Variants in TRPM6 observed in about 807,000 individuals in gnomAD.
TRPM6 encodes the protein transient receptor potential cation channel subfamily M member 6.
TRPM6 carries 111 observed loss-of-function variants against 247.6 expected under a neutral mutation model. The ratio of observed to expected loss-of-function variants is 0.45; its 90% CI spans 0.38 to 0.52. The LOEUF is 0.52. Among genes scored for constraint, TRPM6 ranks in the 20% least tolerant of loss-of-function variants. The probability of loss-of-function intolerance (pLI) is 0.00; values close to 1 mark genes in which losing one functional copy is unlikely to be tolerated. For missense variants in TRPM6, 2,126 were observed against 2,421.5 expected (o/e 0.88, Z 2.56); for synonymous variants, 892 against 853.8 (o/e 1.04, Z -0.78).
chr9:74,850,440 C>T lies in TRPM6; in HGVS notation c.152+5087G>A, dbSNP rs144702987. Among the ~76,000 whole-genome samples, 738 of 152,044 alleles carry T rather than the reference C, an allele frequency of 4.9e-3. 2 individuals carry two copies. The highest frequency in any genetic ancestry group is 9.1e-3 in the Non-Finnish European group (617 of 67,992). The stretch of plus-strand genomic sequence containing the variant: ...TGTGTATGTAAAAACCAACGTAAGG[C>T]CGGGCGCGGTGGCTCACGCCTGTAT... On this transcript the variant is annotated intron_variant, in intron 3 of 38. Coordinates refer to ENST00000360774, the MANE Select transcript of TRPM6 (RefSeq NM_017662.5).
chr9:74,877,371 A>C (rs1831226351), intron 1 of TRPM6, among the ~76,000 whole-genome samples: 1 of 152,238 alleles, frequency 6.6e-6, no homozygotes, highest in Admixed American at 6.5e-5. Context: ...AGCCACAGGA[A>C]AAAAGCACCT....
In TRPM6 at chr9:74,804,546, G is replaced by A. The variant is rs140675958; in HGVS notation, c.1639-660C>T. Reference sequence around the variant, plus strand: ...AGAAGAGCAGGCTGCTGCTGCAAACGCGGTGACCAAGGAGGAATTTCAGGG... The same window carrying A: ...AGAAGAGCAGGCTGCTGCTGCAAACACGGTGACCAAGGAGGAATTTCAGGG... On this transcript the variant is annotated intron_variant, in intron 14 of 38. Transcript: ENST00000360774. 574 of 736,204 alleles carry A rather than the reference G, an allele frequency of 7.8e-4. No individual in the cohort carries two copies. In the African/African-American group the frequency reaches 8.8e-3, roughly 11 times the overall value. 45.6% of individuals were successfully genotyped at this position (736,204 alleles called of 1,614,324 possible).
At chr9:74,772,512 C>T (rs961738113) in intron 24 of TRPM6, among the ~76,000 whole-genome samples, 1 of 152,094 alleles carries the variant, frequency 6.6e-6, no homozygotes, top group Non-Finnish European at 1.5e-5. Context: ...ATTAGATGTA[C>T]CTATTTTTGA....
At chr9:74,764,143 A>T (rs941521708) in intron 25 of TRPM6, among the ~76,000 whole-genome samples, 1 of 151,480 alleles carries the variant, frequency 6.6e-6, no homozygotes, top group African/African-American at 2.4e-5. Context: ...AAAAAAAAGT[A>T]AAAATTAATT....
chr9:74,818,390 C>T (rs1341047384), intron 9 of TRPM6, among the ~76,000 whole-genome samples: 1 of 144,938 alleles, frequency 6.9e-6, no homozygotes, highest in Non-Finnish European at 1.5e-5. Flanking sequence ...GCAACCTCTG[C>T]CTCCCGGGTT....
chr9:74,886,523 T>C (rs1831533938), intron 1 of TRPM6, among the ~76,000 whole-genome samples: 1 of 152,154 alleles, frequency 6.6e-6, no homozygotes, highest in Admixed American at 6.5e-5. Context: ...CTTTTTTTTT[T>C]TTCTTTTTTA....
chr9:74,870,659 C>G (rs945470024), intron 1 of TRPM6, among the ~76,000 whole-genome samples: 1 of 152,124 alleles, frequency 6.6e-6, no homozygotes, highest in South Asian at 2.1e-4. Context: ...CGCAGTGGCT[C>G]ACGCCTGTAA....
At chr9:74,812,782 T>C (rs569742324) in intron 11 of TRPM6, among the ~76,000 whole-genome samples, 16 of 151,932 alleles carry the variant, frequency 1.1e-4, no homozygotes, top group Admixed American at 2.6e-4. Flanking sequence ...CCCAGCTAAT[T>C]GGGAGGCTGA....
At chr9:74,832,707 C>A (rs1196291547) in intron 6 of TRPM6, among the ~76,000 whole-genome samples, 1 of 152,154 alleles carries the variant, frequency 6.6e-6, no homozygotes, top group Admixed American at 6.5e-5. Context: ...GAAAAGAGTT[C>A]ATTTTTCTAA....
intron 27 of TRPM6, among the ~76,000 whole-genome samples, chr9:74,759,920 C>G (rs1461989021): frequency 6.6e-6 from 1 of 151,826 alleles, no homozygotes; most frequent in Non-Finnish European, 1.5e-5. Flanking sequence ...TATAATAAGA[C>G]AACAACCCAA....
intron 23 of TRPM6, among the ~76,000 whole-genome samples, chr9:74,779,166 A>G (rs1827329147): frequency 6.6e-6 from 1 of 152,112 alleles, no homozygotes; most frequent in East Asian, 1.9e-4. Flanking sequence ...GGTCCCAGCT[A>G]CTCGGGAGGT....
rs1426093230 is a variant in TRPM6, at chr9:74,821,992, G to A, written c.842-155C>T. Among the ~76,000 whole-genome samples the A allele has an allele frequency of 3.3e-5, 5 of 152,302 alleles. No individual in the cohort carries two copies. The East Asian group carries it at 9.6e-4, about 29-fold the overall frequency. ...TTTTACCCTGGTTTGCTTAGATCAA[G>A]ACCAAGCCAGAAACTTGGACTTCAA... On this transcript the variant is annotated intron_variant, in intron 7 of 38. Coordinates refer to ENST00000360774, the MANE Select transcript of TRPM6 (RefSeq NM_017662.5).
chr9:74,872,635 C>T (rs997437772), intron 1 of TRPM6, among the ~76,000 whole-genome samples: 6 of 132,822 alleles, frequency 4.5e-5, no homozygotes, highest in Non-Finnish European at 6.6e-5. Flanking sequence ...CATGCGCGCA[C>T]GTGTGTACAT....
At chr9:74,853,864 A>T (rs143753643) in intron 3 of TRPM6, among the ~76,000 whole-genome samples, 12,995 of 152,232 alleles carry the variant, frequency 0.085, 604 homozygotes, top group East Asian at 0.11. Context: ...TAAATACTAA[A>T]AAAATAAAAT....
intron 23 of TRPM6, among the ~76,000 whole-genome samples, chr9:74,777,739 A>G (rs1179452170): frequency 1.3e-5 from 2 of 152,154 alleles, no homozygotes; most frequent in Non-Finnish European, 2.9e-5. Flanking sequence ...GGCACCTTCT[A>G]CAGAAAATAG....
rs371978539 is a variant in TRPM6 at position 74,782,790 on chromosome 9, G to A, written c.2983C>T (p.Arg995Cys). The change falls in exon 22 of 39, where the codon CGC becomes TGC. Residue 995 changes from arginine to cysteine, a missense_variant. Transcript: ENST00000360774. ...AIVLLSFGVA[R>C]KAILSPKEPP... ...TCTTTTGGCGAAAGGATGGCCTTGC[G>A]TGCCACTCCAAAGCTCAGCAGGACT... 1.1e-5 allele frequency: 18 copies of A among 1,614,050 alleles called. No individual in the cohort carries two copies. Among genetic ancestry groups the A allele is most frequent in the East Asian group, 2.2e-5 (1 of 44,876 alleles).
rs759971142 is a variant in TRPM6 at position 74,771,776 on chromosome 9, C to A, written c.3463G>T (p.Glu1155Ter). Residue 1155 changes from glutamate to a stop codon, truncating the protein, a stop_gained, in exon 25 of 39, where the codon GAA becomes TAA. Transcript: ENST00000360774. LOFTEE classifies it high-confidence loss of function. ...TCCATCTTCTCATGGAAGTATTTTT[C>A]CACGCACTGCTCCTCAAAATCATGA... ...KLHDFEEQCV[E>*]KYFHEKMEDV... is the part of the protein sequence containing the mutation. 4.3e-6 allele frequency: 7 copies of A among 1,613,602 alleles called. No individual in the cohort carries two copies. The highest frequency in any genetic ancestry group is 5.9e-6 in the Non-Finnish European group (7 of 1,179,712).
chr9:74,857,372 C>G (rs564501814), intron 2 of TRPM6, among the ~76,000 whole-genome samples: 16 of 152,220 alleles, frequency 1.1e-4, no homozygotes, highest in African/African-American at 3.9e-4. Context: ...AGTTCTAAAC[C>G]TTAAAGGCAT....
Position 74,739,952 on chromosome 9 carries a change from T to C in TRPM6, c.5258A>G (p.Lys1753Arg). 6.2e-7 allele frequency: 1 copy of C among 1,614,178 alleles called. No homozygotes were observed. Among genetic ancestry groups the C allele is most frequent in the Admixed American group, 1.7e-5 (1 of 60,014 alleles). The change falls in exon 34 of 39, where the codon AAA becomes AGA. Residue 1753 changes from lysine to arginine, a missense_variant. Lys to Arg is a conservative substitution (Grantham distance 26). Around this residue, in one of 3 missense-constraint regions of TRPM6, gnomAD observed 327 missense variants for 397.7 expected, o/e 0.82. Transcript: ENST00000360774. ...ACGCTGAGACCAAGAGGACATGCTT[T>C]TATCAAGGTTTAAAGGGGAACTCTC... Reference protein sequence around the residue: ...LEESSPLNLDKSMSSWSQRGR... With the variant: ...LEESSPLNLDRSMSSWSQRGR...
Sources: allele counts gnomAD v4.1 joint callset (sites outside exome capture counted in the v4.1 genomes callset), GRCh38; gene constraint gnomAD v4.1.1; regional missense constraint gnomAD v4.1.1; transcripts MANE v1.5; gene names NCBI Gene and HGNC (gene_info 2026-07-23, HGNC 2026-07-21).